MAST4: variants seen among roughly 807,000 people sequenced by gnomAD.
MAST4 encodes microtubule associated serine/threonine kinase family member 4, also known as microtubule-associated serine/threonine-protein kinase 4.
In MAST4, 89 loss-of-function variants were observed where a neutral mutation model predicts 162.7. The observed-to-expected ratio is 0.55, with a 90% confidence interval of 0.46 to 0.65. The LOEUF (loss-of-function observed/expected upper bound fraction) is 0.65. MAST4 is among the 30% of genes least tolerant of loss of function. The probability of loss-of-function intolerance (pLI) is 0.00; values close to 1 mark genes in which losing one functional copy is unlikely to be tolerated. For synonymous variants in MAST4, 1,479 were observed against 1,361.1 expected (o/e 1.09, Z -1.91); for missense variants, 3,153 against 3,374.0 (o/e 0.93, Z 1.62).
At chr5:66,726,258 G>A (rs1055177421) in intron 1 of MAST4, among the ~76,000 whole-genome samples, 3 of 152,046 alleles carry the variant, frequency 2.0e-5, no homozygotes, top group African/African-American at 7.2e-5. Flanking sequence ...CAGGTGTATA[G>A]GTAATCTAAT....
intron 1 of MAST4, among the ~76,000 whole-genome samples, chr5:66,702,163 G>A (rs1442387808): frequency 6.6e-6 from 1 of 152,202 alleles, no homozygotes; most frequent in East Asian, 1.9e-4. Flanking sequence ...GGGAATGGGA[G>A]CATCGGCTGC....
chr5:66,613,731 C>T (rs1347042668), intron 1 of MAST4, among the ~76,000 whole-genome samples: 1 of 152,100 alleles, frequency 6.6e-6, no homozygotes, highest in Admixed American at 6.5e-5. Context: ...TTTCTCCAGG[C>T]CTCAAACCTG....
At chr5:67,056,431 G>A (rs879352800) in intron 5 of MAST4, among the ~76,000 whole-genome samples, 21 of 152,210 alleles carry the variant, frequency 1.4e-4, no homozygotes, top group African/African-American at 2.6e-4. Context: ...ATAATTCTGC[G>A]ATTTAAAGAT....
intron 5 of MAST4, among the ~76,000 whole-genome samples, chr5:67,058,106 A>G (rs1561589022): frequency 6.6e-6 from 1 of 152,092 alleles, no homozygotes; most frequent in Non-Finnish European, 1.5e-5. Context: ...ATGGTGGCAC[A>G]TGCCTGTGGT....
intron 4 of MAST4, among the ~76,000 whole-genome samples, chr5:67,029,316 C>T (rs1755036104): frequency 6.6e-6 from 1 of 152,068 alleles, no homozygotes; most frequent in Non-Finnish European, 1.5e-5. Flanking sequence ...ACAATTTGTA[C>T]ATGATTTTAA....
At chr5:66,960,285 TAA>T (rs1320281859) in intron 4 of MAST4, among the ~76,000 whole-genome samples, 1 of 152,230 alleles carries the variant, frequency 6.6e-6, no homozygotes, top group African/African-American at 2.4e-5. Flanking sequence ...CCTTAATTAA[TAA>T]AAGCATGACA....
intron 9 of MAST4, among the ~76,000 whole-genome samples, chr5:67,103,328 A>G (rs868620247): frequency 7.9e-5 from 12 of 152,212 alleles, no homozygotes; most frequent in South Asian, 2.1e-4. Context: ...GTGTTGCCCT[A>G]AACAGGAGAA....
chr5:67,018,940 C>T (rs1753647394), intron 4 of MAST4, among the ~76,000 whole-genome samples: 1 of 152,046 alleles, frequency 6.6e-6, no homozygotes. Context: ...TAAAAAATCA[C>T]CCCAAATCCT....
chr5:66,788,607 C>CCCAAAAAAAAAAAA, intron 2 of MAST4, 63 bp from the exon 3 acceptor site: 1 of 1,373,726 alleles, frequency 7.3e-7, no homozygotes, highest in Non-Finnish European at 1.0e-6. Flanking sequence ...CCCCCACCCC[C>CCCAAAAAAAAAAAA]ATTGCAATAA....
At chr5:66,626,119 A>G (rs1352171229) in intron 1 of MAST4, among the ~76,000 whole-genome samples, 1 of 142,438 alleles carries the variant, frequency 7.0e-6, no homozygotes, top group Non-Finnish European at 1.5e-5. Flanking sequence ...GAGAGTGGTT[A>G]TGGGATGATA....
At chr5:67,058,544 T>G (rs1009180132) in intron 5 of MAST4, among the ~76,000 whole-genome samples, 1 of 152,204 alleles carries the variant, frequency 6.6e-6, no homozygotes, top group Non-Finnish European at 1.5e-5. Flanking sequence ...ATGGACTAGT[T>G]AAGTAAATAA....
intron 3 of MAST4, among the ~76,000 whole-genome samples, chr5:66,898,623 C>G (rs949066529): frequency 6.6e-6 from 1 of 152,054 alleles, no homozygotes; most frequent in African/African-American, 2.4e-5. Context: ...CAAAACAAAA[C>G]AAAAAGCACT....
intron 26 of MAST4, among the ~76,000 whole-genome samples, chr5:67,155,320 A>G (rs1032726433): frequency 3.3e-5 from 5 of 152,192 alleles, no homozygotes; most frequent in African/African-American, 9.7e-5. Context: ...CACTGGCTAT[A>G]TGAATCCCTG....
At chr5:66,830,725 T>A (rs1402276029) in intron 3 of MAST4, among the ~76,000 whole-genome samples, 1 of 152,232 alleles carries the variant, frequency 6.6e-6, no homozygotes, top group African/African-American at 2.4e-5. Flanking sequence ...AGTAGCTGTT[T>A]TTAGAAATTC....
intron 1 of MAST4, among the ~76,000 whole-genome samples, chr5:66,657,858 A>G (rs1428195870): frequency 1.3e-5 from 2 of 152,232 alleles, no homozygotes; most frequent in East Asian, 1.9e-4. Context: ...CCCCACCCAT[A>G]CAGGTTGGGA....
intron 3 of MAST4, among the ~76,000 whole-genome samples, chr5:66,796,248 C>G (rs939498482): frequency 6.6e-6 from 1 of 152,120 alleles, no homozygotes; most frequent in African/African-American, 2.4e-5. Context: ...GGCTGGCTGC[C>G]CAATGGGTAA....
chr5:66,698,612 T>C (rs1673413176), intron 1 of MAST4, among the ~76,000 whole-genome samples: 2 of 152,166 alleles, frequency 1.3e-5, no homozygotes, highest in African/African-American at 4.8e-5. Flanking sequence ...AAGGAGTGTC[T>C]CCTGTATCTC....
intron 27 of MAST4, 81 bp downstream of exon 27, chr5:67,160,673 A>G: frequency 1.4e-6 from 2 of 1,434,894 alleles, no homozygotes; most frequent in Non-Finnish European, 9.4e-7. Flanking sequence ...ATGCTTATAT[A>G]TGAAGAAGAT....
chr5:67,009,180 A>G (rs946018739), intron 4 of MAST4, among the ~76,000 whole-genome samples: 2 of 129,532 alleles, frequency 1.5e-5, no homozygotes, highest in African/African-American at 5.1e-5. Context: ...TACAAGGTAC[A>G]TATAAGCCAT....
Sources: allele counts gnomAD v4.1 joint callset (sites outside exome capture counted in the v4.1 genomes callset), GRCh38; gene constraint gnomAD v4.1.1; transcripts MANE v1.5; gene names NCBI Gene and HGNC (gene_info 2026-07-23, HGNC 2026-07-21).